CABCOCO1: variants seen among roughly 807,000 people sequenced by gnomAD.
The protein encoded by CABCOCO1 is ciliary-associated calcium-binding coiled-coil protein 1.
Under a neutral mutation model 35.7 loss-of-function variants are expected in CABCOCO1, and 28 were observed. That is an observed-to-expected ratio of 0.78 (90% confidence interval 0.58 to 1.07). The LOEUF (loss-of-function observed/expected upper bound fraction) is 1.07, where lower values mean the gene tolerates loss of function less well. Ranked by LOEUF, CABCOCO1 falls within the 50% of genes least tolerant of loss-of-function variation. CABCOCO1 has a pLI of 0.00. For synonymous variants in CABCOCO1, 95 were observed against 100.1 expected (o/e 0.95, Z 0.30); for missense variants, 326 against 309.2 (o/e 1.05, Z -0.41).
At chr10:61,753,787 T>C (rs765987631) in intron 5 of CABCOCO1, among the ~76,000 whole-genome samples, 1 of 152,134 alleles carries the variant, frequency 6.6e-6, no homozygotes, top group Non-Finnish European at 1.5e-5. Flanking sequence ...TATCTAGGTC[T>C]CAAAAGAGAA....
intron 5 of CABCOCO1, among the ~76,000 whole-genome samples, chr10:61,734,577 T>G (rs1467406216): frequency 6.6e-6 from 1 of 152,090 alleles, no homozygotes; most frequent in Admixed American, 6.6e-5. Flanking sequence ...CAGCATTTTA[T>G]GTCAACAAGA....
chr10:61,693,962 G>A (rs1840226203), intron 5 of CABCOCO1, among the ~76,000 whole-genome samples: 1 of 151,972 alleles, frequency 6.6e-6, no homozygotes, highest in African/African-American at 2.4e-5. Context: ...CAGACAGACA[G>A]ATAGAAAAAC....
chr10:61,690,280 A>T (rs1250565189), intron 4 of CABCOCO1, among the ~76,000 whole-genome samples: 1 of 152,138 alleles, frequency 6.6e-6, no homozygotes, highest in Non-Finnish European at 1.5e-5. Flanking sequence ...TTTCTCCCTT[A>T]TTCCTAACTT....
intron 2 of CABCOCO1, 140 bp downstream of exon 2, chr10:61,672,875 C>T: frequency 2.0e-6 from 1 of 504,332 alleles, no homozygotes; most frequent in Non-Finnish European, 2.6e-6. Flanking sequence ...GACTTCAAAA[C>T]ACAAAAATTC....
intron 5 of CABCOCO1, among the ~76,000 whole-genome samples, chr10:61,692,452 C>T (rs770952668): frequency 5.3e-5 from 8 of 152,080 alleles, no homozygotes; most frequent in Non-Finnish European, 1.0e-4. Context: ...TCCACAATTA[C>T]TTTAAGGGGC....
At chr10:61,742,363 T>C (rs117672973) in intron 5 of CABCOCO1, among the ~76,000 whole-genome samples, 2,364 of 152,272 alleles carry the variant, frequency 0.016, 40 homozygotes, top group East Asian at 0.046. Context: ...TCTCATGACA[T>C]AAGATTTCTA....
intron 5 of CABCOCO1, among the ~76,000 whole-genome samples, chr10:61,748,305 A>T (rs1039446633): frequency 6.6e-6 from 1 of 152,214 alleles, no homozygotes; most frequent in Non-Finnish European, 1.5e-5. Context: ...TTATTTTCCC[A>T]CTATTTCTTA....
At chr10:61,670,111 G>C (rs1270079154) in intron 1 of CABCOCO1, among the ~76,000 whole-genome samples, 1 of 152,000 alleles carries the variant, frequency 6.6e-6, no homozygotes, top group African/African-American at 2.4e-5. Context: ...GACATATCAA[G>C]AACTGCAGAA....
intron 5 of CABCOCO1, among the ~76,000 whole-genome samples, chr10:61,727,049 G>T (rs777994651): frequency 2.0e-4 from 30 of 151,430 alleles, no homozygotes; most frequent in Non-Finnish European, 2.9e-5. Context: ...GCAACACAGT[G>T]AGACCCTGCC....
intron 2 of CABCOCO1, among the ~76,000 whole-genome samples, chr10:61,674,151 T>TCCCAAA (rs1839440491): frequency 6.6e-6 from 1 of 152,216 alleles, no homozygotes; most frequent in African/African-American, 2.4e-5. Flanking sequence ...AATTATTTCT[T>TCCCAAA]CCCACGTTGT....
rs78607254 is a variant in CABCOCO1, at chr10:61,764,968, A to G, written c.817-971A>G. 5.0e-3 allele frequency among the ~76,000 whole-genome samples: 765 copies of G among 152,292 alleles called. 4 individuals are homozygous for G. The highest frequency in any genetic ancestry group is 0.017 in the African/African-American group (702 of 41,566). On this transcript the variant is annotated intron_variant, in intron 7 of 7. Transcript: ENST00000648843. ...ATATGAAAAATTATATCTGGGCTTAAAACAGTATTTGATTTTTTTAAATGT... is the reference window on the plus strand; with the variant it reads ...ATATGAAAAATTATATCTGGGCTTAGAACAGTATTTGATTTTTTTAAATGT...
chr10:61,725,293 T>G (rs1402928694), intron 5 of CABCOCO1, among the ~76,000 whole-genome samples: 1 of 152,148 alleles, frequency 6.6e-6, no homozygotes, highest in African/African-American at 2.4e-5. Context: ...CATGCTGCTA[T>G]AAAGACACAT....
intron 5 of CABCOCO1, among the ~76,000 whole-genome samples, chr10:61,706,384 T>C (rs1206237653): frequency 6.6e-6 from 1 of 152,226 alleles, no homozygotes; most frequent in Non-Finnish European, 1.5e-5. Flanking sequence ...TGAGCATAAC[T>C]CTGATATAAA....
chr10:61,663,241 C>G (rs920000591), intron 1 of CABCOCO1: 1 of 163,238 alleles, frequency 6.1e-6, no homozygotes, highest in African/African-American at 2.4e-5. Flanking sequence ...CGGCGCCCCC[C>G]AGCCGGCCCC....
At chr10:61,688,471 G>C (rs1290237280) in intron 4 of CABCOCO1, among the ~76,000 whole-genome samples, 1 of 152,140 alleles carries the variant, frequency 6.6e-6, no homozygotes, top group African/African-American at 2.4e-5. Flanking sequence ...CCACATGACT[G>C]TAAGTACTGG....
rs760513956 is a variant in CABCOCO1, at chr10:61,681,262, A to C, written c.284A>C (p.Gln95Pro). 6.4e-7 allele frequency: 1 copy of C among 1,571,608 alleles called. No individual in the cohort carries two copies. The highest frequency in any genetic ancestry group is 8.7e-7 in the Non-Finnish European group (1 of 1,151,372). Residue 95 changes from glutamine to proline, a missense_variant, in exon 3 of 8, where the codon CAG becomes CCG. Gln to Pro is a moderately conservative substitution (Grantham distance 76). Coordinates refer to ENST00000648843, the MANE Select transcript of CABCOCO1 (RefSeq NM_001366906.2). ...AGAGGAATGGATTTCTCTATTATTC[A>C]GTATTCAAAATTTATGACTTTACTA... The part of the protein sequence containing the change: ...WARGMDFSII[Q>P]YSKFMTLLAM...
At chr10:61,709,946 G>A (rs932581196) in intron 5 of CABCOCO1, among the ~76,000 whole-genome samples, 6 of 151,896 alleles carry the variant, frequency 4.0e-5, no homozygotes, top group East Asian at 1.9e-4. Context: ...GAATTAAGAG[G>A]GAGAACGACT....
At chr10:61,721,252 A>G (rs1442701537) in intron 5 of CABCOCO1, among the ~76,000 whole-genome samples, 2 of 151,840 alleles carry the variant, frequency 1.3e-5, no homozygotes, top group Non-Finnish European at 2.9e-5. Flanking sequence ...GAGGAGTCTT[A>G]TACTTCCCTG....
chr10:61,718,748 G>A (rs974133229), intron 5 of CABCOCO1, among the ~76,000 whole-genome samples: 3 of 151,992 alleles, frequency 2.0e-5, no homozygotes, highest in East Asian at 3.8e-4. Flanking sequence ...ATTATGAAAA[G>A]TCACCTTAAG....
Sources: gnomAD v4.1 joint callset for allele counts (sites outside exome capture counted in the v4.1 genomes callset) on GRCh38, gnomAD v4.1.1 for gene constraint, MANE v1.5 for transcripts, NCBI Gene and HGNC (gene_info 2026-07-23, HGNC 2026-07-21) for gene names.